Variants in BLTP1 observed in about 807,000 individuals in gnomAD.
The protein encoded by BLTP1 is fragile site-associated protein.
chr4:122,238,853 C>G, the BLTP1 span, among the ~76,000 whole-genome samples: 1 of 152,146 alleles, frequency 6.6e-6, no homozygotes, highest in Non-Finnish European at 1.5e-5. Context: ...GTTGAACATT[C>G]TCTCCTTTTT....
At chr4:122,307,808 C>G in the BLTP1 span, 1 of 1,466,200 alleles carries the variant, frequency 6.8e-7, no homozygotes, top group Non-Finnish European at 9.0e-7. Flanking sequence ...CCTCTTAGAT[C>G]TTTCCTAATT....
chr4:122,155,065 C>T, the BLTP1 span: 1 of 375,558 alleles, frequency 2.7e-6, no homozygotes, highest in Admixed American at 6.4e-5. Flanking sequence ...TGTCAGACAT[C>T]CAGGCTTCTG....
the BLTP1 span, chr4:122,280,091 G>A: frequency 1.7e-5 from 27 of 1,551,126 alleles, no homozygotes; most frequent in Admixed American, 4.7e-4. Context: ...TCTAAGTATC[G>A]ACCATTATGG....
At chr4:122,347,737 A>G in the BLTP1 span, 7 of 1,613,782 alleles carry the variant, frequency 4.3e-6, no homozygotes, top group East Asian at 2.2e-5. Context: ...CCCAGCTTCC[A>G]TAAGATCAAG....
At chr4:122,306,540 A>G in the BLTP1 span, 1 of 983,908 alleles carries the variant, frequency 1.0e-6, no homozygotes, top group Middle Eastern at 5.2e-4. Flanking sequence ...TTCTTAGAGG[A>G]GAAACTAATT....
At chr4:122,351,264 AAG>A in the BLTP1 span, 1 of 912,590 alleles carries the variant, frequency 1.1e-6, no homozygotes, top group Non-Finnish European at 1.3e-6. Flanking sequence ...TAGAAAACAC[AAG>A]AGAAGCAAAA....
At chr4:122,155,958 C>T in the BLTP1 span, 1 of 949,872 alleles carries the variant, frequency 1.1e-6, no homozygotes, top group African/African-American at 1.8e-5. Context: ...AGGGTAGTTT[C>T]TAGCCACCAT....
chr4:122,220,263 T>G, the BLTP1 span: 1 of 1,531,012 alleles, frequency 6.5e-7, no homozygotes, highest in Non-Finnish European at 8.8e-7. Context: ...AGATGTAATT[T>G]TTATTTTCCT....
the BLTP1 span, chr4:122,306,708 A>G: frequency 2.7e-5 from 25 of 934,186 alleles, no homozygotes; most frequent in Non-Finnish European, 3.1e-5. Flanking sequence ...ACATAAGTCT[A>G]AGAAAATATA....
At chr4:122,188,128 G>A in the BLTP1 span, 2 of 1,368,430 alleles carry the variant, frequency 1.5e-6, no homozygotes, top group Non-Finnish European at 1.9e-6. Flanking sequence ...ACTTCTTATA[G>A]GTAATACAGA....
At chr4:122,269,847 A>G in the BLTP1 span, among the ~76,000 whole-genome samples, 137 of 151,978 alleles carry the variant, frequency 9.0e-4, 1 homozygote, top group African/African-American at 3.2e-3. Flanking sequence ...CGTATCAGGG[A>G]CTTATATTTT....
the BLTP1 span, among the ~76,000 whole-genome samples, chr4:122,352,291 T>C: frequency 6.6e-6 from 1 of 151,698 alleles, no homozygotes; most frequent in Non-Finnish European, 1.5e-5. Flanking sequence ...GAGAATTACA[T>C]AAAATTCCAT....
chr4:122,221,842 A>G, the BLTP1 span: 21 of 983,600 alleles, frequency 2.1e-5, no homozygotes, highest in Non-Finnish European at 2.3e-5. Flanking sequence ...GTTCTGAGAA[A>G]CTTAGATGAC....
chr4:122,336,730 C>A, the BLTP1 span: 2 of 1,275,936 alleles, frequency 1.6e-6, no homozygotes, highest in East Asian at 2.7e-5. Flanking sequence ...GAGGTGCGAA[C>A]AGGGAAAAAC....
chr4:122,280,534 G>A, the BLTP1 span, among the ~76,000 whole-genome samples: 258 of 151,894 alleles, frequency 1.7e-3, 1 homozygote, highest in Non-Finnish European at 2.9e-3. Flanking sequence ...GTGGTGGCAG[G>A]CATCTGTAAT....
the BLTP1 span, among the ~76,000 whole-genome samples, chr4:122,323,595 C>T: frequency 3.9e-5 from 6 of 152,084 alleles, no homozygotes; most frequent in South Asian, 6.2e-4. Context: ...TTGATCACTT[C>T]TTAACTCCCA....
At chr4:122,236,829 T>C in the BLTP1 span, 1 of 985,428 alleles carries the variant, frequency 1.0e-6, no homozygotes, top group East Asian at 1.1e-4. Flanking sequence ...TAGTGAGTTG[T>C]AATTGCCGAA....
chr4:122,291,732 C>T, the BLTP1 span: 5 of 979,052 alleles, frequency 5.1e-6, no homozygotes, highest in Non-Finnish European at 6.1e-6. Context: ...TAGAATTGGG[C>T]CAGGTATATA....
At chr4:122,299,262 A>T in the BLTP1 span, 3 of 371,318 alleles carry the variant, frequency 8.1e-6, no homozygotes, top group African/African-American at 6.6e-5. Context: ...GTAAGCACTC[A>T]AATATTAGGT....
Sources: allele counts gnomAD v4.1 joint callset (sites outside exome capture counted in the v4.1 genomes callset), GRCh38; gene constraint gnomAD v4.1.1; transcripts MANE v1.5; gene names NCBI Gene and HGNC (gene_info 2026-07-23, HGNC 2026-07-21).